The following PHIP variants were observed in gnomAD, a reference collection of about 807,000 sequenced individuals.
PHIP encodes PHIP subunit of CUL4-Ring ligase complex, also known as PH-interacting protein.
Under a neutral mutation model 236.8 loss-of-function variants are expected in PHIP, and 54 were observed. That is an observed-to-expected ratio of 0.23 (90% CI 0.18 to 0.29). The LOEUF (loss-of-function observed/expected upper bound fraction) is 0.29, where lower values mean the gene tolerates loss of function less well. Ranked by LOEUF, PHIP falls within the 10% of genes least tolerant of loss-of-function variation. The pLI, the probability that PHIP is intolerant of heterozygous loss-of-function variation, is 1.00. For synonymous variants in PHIP, 756 were observed against 718.9 expected (o/e 1.05, Z -0.83); for missense variants, 1,370 against 2,190.8 (o/e 0.63, Z 7.48).
chr6:79,014,746 G>C (rs888636086), intron 15 of PHIP, among the ~76,000 whole-genome samples: 1 of 151,602 alleles, frequency 6.6e-6, no homozygotes, highest in Non-Finnish European at 1.5e-5. Context: ...ACAATAATAC[G>C]AGTATTTATT....
At chr6:79,054,569 A>G (rs899584461) in intron 6 of PHIP, among the ~76,000 whole-genome samples, 40 of 151,566 alleles carry the variant, frequency 2.6e-4, no homozygotes, top group African/African-American at 9.7e-4. Context: ...ATAAGTGAAC[A>G]GGAAAAAAAC....
intron 4 of PHIP, among the ~76,000 whole-genome samples, chr6:79,064,499 C>T (rs1358347357): frequency 1.3e-5 from 2 of 152,206 alleles, no homozygotes; most frequent in African/African-American, 4.8e-5. Flanking sequence ...CAAAAAATAG[C>T]TCTTATCAAA....
chr6:78,957,218 T>C (rs1766476935), intron 32 of PHIP: 1 of 152,006 alleles, frequency 6.6e-6, no homozygotes, highest in East Asian at 1.9e-4. Flanking sequence ...CTAAATTATT[T>C]CACTGAAATA....
At chr6:78,964,408 G>T (rs190943675) in intron 29 of PHIP, among the ~76,000 whole-genome samples, 7 of 152,114 alleles carry the variant, frequency 4.6e-5, no homozygotes, top group Non-Finnish European at 7.4e-5. Flanking sequence ...ATTAATAAAA[G>T]ATTATTTCTA....
intron 10 of PHIP, among the ~76,000 whole-genome samples, chr6:79,018,493 C>T (rs1344807931): frequency 1.3e-5 from 2 of 151,926 alleles, no homozygotes; most frequent in Admixed American, 6.6e-5. Context: ...TTTGGATCTA[C>T]TCATGTTTCA....
chr6:79,053,640 C>T (rs977383741), intron 6 of PHIP, among the ~76,000 whole-genome samples: 4 of 152,138 alleles, frequency 2.6e-5, no homozygotes, highest in African/African-American at 9.7e-5. Flanking sequence ...TAAGAAAACA[C>T]TGAATACGTA....
intron 29 of PHIP, among the ~76,000 whole-genome samples, chr6:78,964,621 T>G (rs1248845429): frequency 2.0e-5 from 3 of 152,180 alleles, no homozygotes; most frequent in Middle Eastern, 3.4e-3. Flanking sequence ...ACCTTCTGAG[T>G]AGCTGGGACT....
chr6:78,945,724 A>G (rs1190779074), intron 38 of PHIP: 1 of 600,524 alleles, frequency 1.7e-6, no homozygotes, highest in African/African-American at 1.9e-5. Flanking sequence ...TTTCGAAGGC[A>G]AGTCTTGGCA....
At position 78,939,592 on chromosome 6, in the gene PHIP, T is replaced by C. The variant is rs1773392106; in HGVS notation, c.*1101A>G. ...AATAGTATATAAGTATGTGTTTGTA[T>C]ATATATTTAATTATACCCATTTATC... is the stretch of plus-strand genomic sequence containing the variant. On this transcript the variant is annotated 3_prime_UTR_variant, in exon 40 of 40. Transcript: ENST00000275034. The C allele has an allele frequency of 6.6e-6, 1 of 151,990 alleles. No individual in the cohort carries two copies. The highest frequency in any genetic ancestry group is 2.1e-4 in the South Asian group (1 of 4,838). 9.4% of individuals were successfully genotyped at this position (151,990 alleles called of 1,614,324 possible).
chr6:79,038,905 C>CAA (rs1248671289), intron 7 of PHIP, among the ~76,000 whole-genome samples: 5 of 152,152 alleles, frequency 3.3e-5, no homozygotes. Context: ...TTCTAAATCA[C>CAA]AGAAGTGAAA....
rs562650669 is a variant in PHIP, at chr6:78,995,541, C to G, written c.2201+1873G>C. On this transcript the variant is annotated intron_variant, in intron 19 of 39. Transcript: ENST00000275034. The stretch of plus-strand genomic sequence containing the variant: ...TCCTCTCTAGCATTTGGTGCTGTCA[C>G]TTATTTTTTATTTTAACCATTCTGA... 4.1e-4 allele frequency among the ~76,000 whole-genome samples: 63 copies of G among 152,272 alleles called. 1 individual carries two copies. In the South Asian group the frequency reaches 0.013, roughly 31 times the overall value.
intron 15 of PHIP, among the ~76,000 whole-genome samples, chr6:79,007,654 CTTTTTTTTTT>C: frequency 8.6e-6 from 1 of 116,666 alleles, no homozygotes; most frequent in Admixed American, 8.6e-5. Context: ...ATGTCTTGTT[CTTTTTTTTTT>C]TTTTTTTTTT....
Position 78,967,446 on chromosome 6 carries a change from C to T in PHIP, c.3206-1390G>A, listed in dbSNP as rs188021175. Among the ~76,000 whole-genome samples, 3 of 152,272 alleles carry T rather than the reference C, an allele frequency of 2.0e-5. No individual in the cohort carries two copies. In the East Asian group the frequency reaches 5.8e-4, roughly 29 times the overall value. The stretch of plus-strand genomic sequence containing the variant: ...GTAATGTGTGCCTAATCATAACGAA[C>T]AATATCTGTAGAATAACAAGAAAGT... On this transcript the variant is annotated intron_variant, in intron 27 of 39. Transcript: ENST00000275034.
At chr6:78,995,306 A>T (rs1177194106) in intron 19 of PHIP, among the ~76,000 whole-genome samples, 1 of 152,246 alleles carries the variant, frequency 6.6e-6, no homozygotes, top group Non-Finnish European at 1.5e-5. Flanking sequence ...TGGGTATTAC[A>T]AATAAAGCTG....
chr6:79,060,392 A>G, intron 6 of PHIP, 86 bp downstream of exon 6: 1 of 829,410 alleles, frequency 1.2e-6, no homozygotes, highest in Non-Finnish European at 1.9e-6. Flanking sequence ...GAAGTTCTCT[A>G]ATACCACAGT....
At chr6:79,069,911 A>G (rs1773802697) in intron 4 of PHIP, among the ~76,000 whole-genome samples, 1 of 152,118 alleles carries the variant, frequency 6.6e-6, no homozygotes, top group Non-Finnish European at 1.5e-5. Flanking sequence ...TTAGATAATA[A>G]TTCAGTTTAC....
In PHIP at chr6:78,961,767, A is replaced by G. The variant is rs754288244; in HGVS notation, c.3579T>C (p.Tyr1193=). Residue 1193 remains tyrosine, a synonymous_variant, in exon 31 of 40, where the codon TAT becomes TAC. Coordinates refer to ENST00000275034, the MANE Select transcript of PHIP (RefSeq NM_017934.7). ...ATGCCACTACTGTGCAATACATGGG[A>G]TAGGCTTGCAGATCCACGGGGGCCA... ...AFVAPVDLQA[Y]PMYCTVVAYP... 1 of 1,610,886 alleles carries G rather than the reference A, an allele frequency of 6.2e-7. No homozygotes were observed. The highest frequency in any genetic ancestry group is 8.5e-7 in the Non-Finnish European group (1 of 1,177,396).
At chr6:79,038,409 T>G (rs1772048657) in intron 7 of PHIP, among the ~76,000 whole-genome samples, 1 of 152,226 alleles carries the variant, frequency 6.6e-6, no homozygotes, top group Non-Finnish European at 1.5e-5. Flanking sequence ...CCTAAAGCCC[T>G]CACCTCTTAA....
At chr6:78,997,698 C>T (rs1769711279) in intron 18 of PHIP, 101 bp from the exon 19 acceptor site, 1 of 913,136 alleles carries the variant, frequency 1.1e-6, no homozygotes, top group African/African-American at 1.7e-5. Context: ...TAAGAAACTT[C>T]ATATTGTGGC....
Sources: gnomAD v4.1 joint callset for allele counts (sites outside exome capture counted in the v4.1 genomes callset) on GRCh38, gnomAD v4.1.1 for gene constraint, MANE v1.5 for transcripts, NCBI Gene and HGNC (gene_info 2026-07-23, HGNC 2026-07-21) for gene names.